The following TEAD4 variants were observed in gnomAD, a reference collection of about 807,000 sequenced individuals.
The protein encoded by TEAD4 is TEA domain transcription factor 4.
TEAD4 carries 36 observed loss-of-function variants against 52.4 expected under a neutral mutation model. The observed-to-expected ratio is 0.69, with a 90% confidence interval of 0.53 to 0.91. The LOEUF (loss-of-function observed/expected upper bound fraction) is 0.91, where lower values mean the gene tolerates loss of function less well. Among genes scored for constraint, TEAD4 ranks in the 40% least tolerant of loss-of-function variants. The pLI, the probability that TEAD4 is intolerant of heterozygous loss-of-function variation, is 0.00. For missense variants in TEAD4, 508 were observed against 583.9 expected (o/e 0.87, Z 1.34); for synonymous variants, 220 against 231.0 (o/e 0.95, Z 0.43).
At chr12:3,030,417 C>A (rs2098274799) in intron 10 of TEAD4, among the ~76,000 whole-genome samples, 1 of 152,128 alleles carries the variant, frequency 6.6e-6, no homozygotes. Flanking sequence ...TTTGTCAGTT[C>A]CTGGGGACAA....
chr12:3,004,337 C>T (rs991846538), intron 3 of TEAD4, among the ~76,000 whole-genome samples: 8 of 152,312 alleles, frequency 5.3e-5, no homozygotes, highest in African/African-American at 1.7e-4. Flanking sequence ...CATACCTTCT[C>T]GTGGTGCCTG....
At chr12:2,992,333 G>A (rs529300247) in intron 2 of TEAD4, among the ~76,000 whole-genome samples, 22 of 152,084 alleles carry the variant, frequency 1.4e-4, no homozygotes, top group Admixed American at 9.8e-4. Context: ...CCTGCTTTAC[G>A]TGTCAGTGGC....
chr12:3,009,569 C>T (rs2098258604), intron 3 of TEAD4, among the ~76,000 whole-genome samples: 1 of 152,262 alleles, frequency 6.6e-6, no homozygotes, highest in Non-Finnish European at 1.5e-5. Context: ...AGGTCTGTGG[C>T]CCTACTTCAT....
intron 3 of TEAD4, among the ~76,000 whole-genome samples, chr12:3,007,591 G>A (rs2098256967): frequency 6.6e-6 from 1 of 152,236 alleles, no homozygotes; most frequent in African/African-American, 2.4e-5. Context: ...CTTCATTGAA[G>A]TATAACTGAC....
At chr12:3,035,978 T>C (rs7485726) in intron 10 of TEAD4, among the ~76,000 whole-genome samples, 140,197 of 152,186 alleles carry the variant, frequency 0.92, 65,449 homozygotes, top group East Asian at 1. Context: ...TGCCATGCCA[T>C]CCTGGGCACC....
chr12:3,022,398 A>G (rs1448695259), intron 10 of TEAD4, among the ~76,000 whole-genome samples: 1 of 152,190 alleles, frequency 6.6e-6, no homozygotes, highest in East Asian at 1.9e-4. Flanking sequence ...CAAGTCCTGC[A>G]TGGGTTTCCG....
intron 3 of TEAD4, among the ~76,000 whole-genome samples, chr12:3,010,069 T>C (rs1359261057): frequency 6.6e-6 from 1 of 152,156 alleles, no homozygotes; most frequent in Admixed American, 6.5e-5. Context: ...ACTCAAACCC[T>C]CTTGCTCTGC....
chr12:2,966,329 G>A (rs1286843792), intron 2 of TEAD4, among the ~76,000 whole-genome samples: 4 of 152,034 alleles, frequency 2.6e-5, no homozygotes, highest in Admixed American at 2.6e-4. Context: ...GGCTGTCTTT[G>A]GCTTAGTCCT....
At position 2,994,295 on chromosome 12, in the gene TEAD4, C is replaced by T. The variant is rs2098245436; in HGVS notation, c.-29-443C>T. The stretch of plus-strand genomic sequence containing the variant: ...TTCACCATGTTGGCCAGGCTGGTCT[C>T]GAGTTCCTGACCTCAAGTGATCTGC... On this transcript the variant is annotated intron_variant, in intron 2 of 12. Transcript: ENST00000359864. The surrounding 1 kb of genome is among the most constrained non-coding windows in gnomAD (Gnocchi z 4.7). 1.3e-5 allele frequency among the ~76,000 whole-genome samples: 2 copies of T among 152,026 alleles called. No individual in the cohort carries two copies. Among genetic ancestry groups the T allele is most frequent in the South Asian group, 2.1e-4 (1 of 4,814 alleles).
At chr12:3,010,887 G>T (rs553395451) in intron 3 of TEAD4, 117 bp from the exon 4 acceptor site, 36 of 1,126,684 alleles carry the variant, frequency 3.2e-5, no homozygotes, top group Non-Finnish European at 4.3e-5. Flanking sequence ...CCACAAATCC[G>T]CTTAGGATGG....
At chr12:3,031,403 G>A (rs1213604112) in intron 10 of TEAD4, among the ~76,000 whole-genome samples, 1 of 152,214 alleles carries the variant, frequency 6.6e-6, no homozygotes, top group Non-Finnish European at 1.5e-5. Flanking sequence ...CACTGCCTTG[G>A]AGCGGGAGGT....
intron 10 of TEAD4, among the ~76,000 whole-genome samples, chr12:3,030,448 G>C (rs188616343): frequency 3.7e-4 from 56 of 152,230 alleles, no homozygotes; most frequent in African/African-American, 1.3e-3. Context: ...CTCCAGCTCC[G>C]AGCCACGCAG....
At chr12:2,968,938 G>A (rs2098222818) in intron 2 of TEAD4, among the ~76,000 whole-genome samples, 1 of 152,246 alleles carries the variant, frequency 6.6e-6, no homozygotes, top group Non-Finnish European at 1.5e-5. Flanking sequence ...TTACAGGTAT[G>A]AGCCACTGTG....
In TEAD4 at chr12:3,002,616, T is replaced by G. The variant is rs564461179; in HGVS notation, c.226+7624T>G. Among the ~76,000 whole-genome samples the G allele has an allele frequency of 8.5e-4, 129 of 152,362 alleles. 2 individuals are homozygous for G. Among genetic ancestry groups the G allele is most frequent in the African/African-American group, 3.0e-3 (124 of 41,588 alleles). ...CTGATGATTAGTGTTGTGGAGCATC[T>G]TTCCATGAGGTTATTGGAATAAGAC... is the stretch of plus-strand genomic sequence containing the variant. On this transcript the variant is annotated intron_variant, in intron 3 of 12. Coordinates refer to ENST00000359864, the MANE Select transcript of TEAD4 (RefSeq NM_003213.4).
intron 2 of TEAD4, among the ~76,000 whole-genome samples, chr12:2,967,304 AT>A (rs2098221276): frequency 6.6e-6 from 1 of 152,104 alleles, no homozygotes; most frequent in Non-Finnish European, 1.5e-5. Context: ...ATTATACTCT[AT>A]CCCGTTTTTT....
At chr12:3,010,110 T>G (rs1322519749) in intron 3 of TEAD4, among the ~76,000 whole-genome samples, 1 of 152,192 alleles carries the variant, frequency 6.6e-6, no homozygotes, top group African/African-American at 2.4e-5. Flanking sequence ...TCCGTATGGT[T>G]TAACACTAGC....
At chr12:2,998,008 G>A (rs1428892006) in intron 3 of TEAD4, among the ~76,000 whole-genome samples, 7 of 151,948 alleles carry the variant, frequency 4.6e-5, no homozygotes, top group South Asian at 2.1e-4. Context: ...CATCCTCCCC[G>A]CCCTCCAGCC....
intron 3 of TEAD4, among the ~76,000 whole-genome samples, chr12:3,007,614 TG>T (rs2098256988): frequency 6.6e-6 from 1 of 152,238 alleles, no homozygotes; most frequent in African/African-American, 2.4e-5. Context: ...TACAACAAAC[TG>T]TACATGCTTA....
chr12:3,012,062 G>A, intron 4 of TEAD4, 108 bp from the exon 5 acceptor site: 1 of 1,048,088 alleles, frequency 9.5e-7, no homozygotes, highest in Non-Finnish European at 1.4e-6. Flanking sequence ...TCATTCATTT[G>A]GTCCACAGAT....
Sources: allele counts gnomAD v4.1 joint callset (sites outside exome capture counted in the v4.1 genomes callset), GRCh38; gene constraint gnomAD v4.1.1; non-coding constraint Gnocchi (gnomAD v3.1); transcripts MANE v1.5; gene names NCBI Gene and HGNC (gene_info 2026-07-23, HGNC 2026-07-21).